The following ZSCAN25 variants were observed in gnomAD, a reference collection of about 807,000 sequenced individuals.
ZSCAN25 encodes the protein zinc finger and SCAN domain-containing protein 25.
ZSCAN25 carries 27 observed loss-of-function variants against 38.7 expected under a neutral mutation model. The observed-to-expected ratio is 0.70, with a 90% CI of 0.51 to 0.96. The LOEUF is 0.96. Ranked by LOEUF, ZSCAN25 falls within the 40% of genes least tolerant of loss-of-function variation. ZSCAN25 has a pLI of 0.00. For synonymous variants in ZSCAN25, 273 were observed against 277.7 expected (o/e 0.98, Z 0.17); for missense variants, 637 against 705.9 (o/e 0.90, Z 1.11).
chr7:99,641,093 T>TG, the ZSCAN25 span, among the ~76,000 whole-genome samples: 1 of 152,008 alleles, frequency 6.6e-6, no homozygotes, highest in African/African-American at 2.4e-5. Context: ...AGGAGAGAGG[T>TG]GGTAGAATCT....
the ZSCAN25 span, among the ~76,000 whole-genome samples, chr7:99,650,546 TAAATG>T: frequency 6.6e-6 from 1 of 152,330 alleles, no homozygotes; most frequent in East Asian, 1.9e-4. Context: ...AAAAGGCACA[TAAATG>T]ATAAGACTGA....
chr7:99,699,411 G>A, the ZSCAN25 span, among the ~76,000 whole-genome samples: 14 of 152,250 alleles, frequency 9.2e-5, no homozygotes, highest in South Asian at 2.1e-4. Context: ...ACAGCTTCCC[G>A]TGAAGTCTTG....
Position 99,622,604 on chromosome 7 carries a change from A to G in ZSCAN25, c.645A>G (p.Gln215=), listed in dbSNP as rs756536070. The G allele has an allele frequency of 5.6e-6, 9 of 1,614,036 alleles. No homozygotes were observed. In the East Asian group the frequency reaches 1.6e-4, roughly 28 times the overall value. The change falls in exon 6 of 8, where the codon CAA becomes CAG. Residue 215 remains glutamine (Q), a synonymous_variant. Coordinates refer to ENST00000394152, the MANE Select transcript of ZSCAN25 (RefSeq NM_145115.3). ...PGLPAVNPRD[Q]EMAAGFFTAG... is the part of the protein sequence containing the mutation. ...TCCCCGCAGTGAATCCCAGAGACCAAGAGATGGCAGCTGGGTTCTTTACTG... is the reference window on the plus strand; with the variant it reads ...TCCCCGCAGTGAATCCCAGAGACCAGGAGATGGCAGCTGGGTTCTTTACTG...
At chr7:99,677,937 T>C in the ZSCAN25 span, among the ~76,000 whole-genome samples, 4 of 152,230 alleles carry the variant, frequency 2.6e-5, no homozygotes, top group Admixed American at 2.6e-4. Flanking sequence ...CATGGTACCA[T>C]GTCAAGGCAG....
the ZSCAN25 span, among the ~76,000 whole-genome samples, chr7:99,684,317 A>G: frequency 9.9e-3 from 1,505 of 151,614 alleles, 16 homozygotes; most frequent in Non-Finnish European, 0.014. Context: ...ATAGGTGCAT[A>G]CCACCACACC....
At chr7:99,716,104 T>C in the ZSCAN25 span, among the ~76,000 whole-genome samples, 1 of 152,148 alleles carries the variant, frequency 6.6e-6, no homozygotes, top group African/African-American at 2.4e-5. Context: ...GGCTCTCCGC[T>C]GGGGGTGATG....
At chr7:99,706,457 A>C in the ZSCAN25 span, among the ~76,000 whole-genome samples, 1 of 152,228 alleles carries the variant, frequency 6.6e-6, no homozygotes, top group East Asian at 1.9e-4. Context: ...GAATATGAAA[A>C]TAATATGGAA....
the ZSCAN25 span, among the ~76,000 whole-genome samples, chr7:99,645,795 AT>A: frequency 1.8e-4 from 27 of 150,402 alleles, no homozygotes; most frequent in African/African-American, 4.7e-4. Flanking sequence ...CCATTTTTTA[AT>A]TTTTTTTTCT....
intron 4 of ZSCAN25, 38 bp downstream of exon 4, chr7:99,620,031 G>T: frequency 6.4e-7 from 1 of 1,568,646 alleles, no homozygotes; most frequent in South Asian, 1.2e-5. Context: ...CGCCCTTGGC[G>T]TGGGCAGGGA....
the ZSCAN25 span, chr7:99,648,059 A>G: frequency 3.6e-6 from 4 of 1,113,072 alleles, no homozygotes; most frequent in Admixed American, 4.7e-5. Context: ...AGGTAGTCCT[A>G]TGAGAAGCAG....
the ZSCAN25 span, among the ~76,000 whole-genome samples, chr7:99,645,656 G>T: frequency 6.6e-6 from 1 of 151,954 alleles, no homozygotes; most frequent in Non-Finnish European, 1.5e-5. Context: ...TCTGACTGGT[G>T]TTAGATGGTA....
At chr7:99,636,273 T>G (rs1032335158), downstream of ZSCAN25, among the ~76,000 whole-genome samples, 16 of 152,140 alleles carry the variant, frequency 1.1e-4, no homozygotes, top group African/African-American at 3.9e-4. Context: ...TTAGATGTGT[T>G]TATTAGCCTT....
chr7:99,712,592 A>C, the ZSCAN25 span, among the ~76,000 whole-genome samples: 1 of 152,212 alleles, frequency 6.6e-6, no homozygotes, highest in African/African-American at 2.4e-5. Flanking sequence ...ATTGGGATAG[A>C]TAGAGAGATG....
the ZSCAN25 span, among the ~76,000 whole-genome samples, chr7:99,722,626 CTT>C: frequency 2.0e-5 from 3 of 152,124 alleles, no homozygotes; most frequent in East Asian, 3.8e-4. Flanking sequence ...TCTGATGTCT[CTT>C]TGCTTTTTCA....
Position 99,631,407 on chromosome 7 carries a change from G to GA in ZSCAN25, c.*1389dup. The stretch of plus-strand genomic sequence containing the variant: ...GAAGATGCAATATTTGTAAACTGTT[G>GA]AAGCTTCCTTATTGTGCCATCACTT... On this transcript the variant is annotated 3_prime_UTR_variant, in exon 8 of 8. Transcript: ENST00000394152. 2 of 985,316 alleles carry GA rather than the reference G, an allele frequency of 2.0e-6. No individual in the cohort carries two copies. The highest frequency in any genetic ancestry group is 9.4e-5 in the South Asian group (2 of 21,258). The allele number at this position is 985,316 out of a possible 1,614,324, so 61.0% of individuals were successfully genotyped here.
chr7:99,700,666 C>G, the ZSCAN25 span, among the ~76,000 whole-genome samples: 1 of 152,096 alleles, frequency 6.6e-6, no homozygotes, highest in South Asian at 2.1e-4. Flanking sequence ...TGCCTGTTTC[C>G]CTTAGCAGAG....
chr7:99,629,121 A>G lies in ZSCAN25; in HGVS notation c.806-70A>G. 2.0e-6 allele frequency: 3 copies of G among 1,513,072 alleles called. No homozygotes were observed. The highest frequency in any genetic ancestry group is 1.4e-5 in the South Asian group (1 of 74,026). 93.7% of individuals were successfully genotyped at this position (1,513,072 alleles called of 1,614,324 possible). ...GGAACCATGAATGGGACCCCTGTGA[A>G]GCAGAGTTCTAACATGTAAATGTCC... On this transcript the variant is annotated intron_variant, in intron 7 of 7. Transcript: ENST00000394152. This position sits in a 1 kb window ranked among gnomAD's most constrained non-coding sequence, Gnocchi z 5.6.
the ZSCAN25 span, among the ~76,000 whole-genome samples, chr7:99,689,763 A>G: frequency 6.6e-6 from 1 of 152,250 alleles, no homozygotes. Flanking sequence ...GACCTCTTCA[A>G]GGAGAATTAC....
At chr7:99,656,055 A>G in the ZSCAN25 span, among the ~76,000 whole-genome samples, 1 of 152,126 alleles carries the variant, frequency 6.6e-6, no homozygotes, top group Non-Finnish European at 1.5e-5. Flanking sequence ...TCTTTTCCTA[A>G]TTGAATACCC....
Sources: allele counts gnomAD v4.1 joint callset (sites outside exome capture counted in the v4.1 genomes callset), GRCh38; gene constraint gnomAD v4.1.1; non-coding constraint Gnocchi (gnomAD v3.1); transcripts MANE v1.5; gene names NCBI Gene and HGNC (gene_info 2026-07-23, HGNC 2026-07-21).